SEPTIN14: variants seen among roughly 807,000 people sequenced by gnomAD.
The protein encoded by SEPTIN14 is septin-14.
SEPTIN14 carries 40 observed loss-of-function variants against 53.6 expected under a neutral mutation model. That is an observed-to-expected ratio of 0.75 (90% CI 0.58 to 0.97). The LOEUF (loss-of-function observed/expected upper bound fraction) is 0.97, where lower values mean the gene tolerates loss of function less well. Among genes scored for constraint, SEPTIN14 ranks in the 50% least tolerant of loss-of-function variants. The probability of loss-of-function intolerance (pLI) is 0.00; values close to 1 mark genes in which losing one functional copy is unlikely to be tolerated. For missense variants in SEPTIN14, 471 were observed against 508.2 expected, an observed-to-expected ratio of 0.93 and a Z score of 0.70; for synonymous variants, 138 against 166.8, an observed-to-expected ratio of 0.83 and a Z score of 1.33.
chr7:55,824,093 T>C (rs1316808429), intron 6 of SEPTIN14, among the ~76,000 whole-genome samples: 1 of 152,136 alleles, frequency 6.6e-6, no homozygotes, highest in Non-Finnish European at 1.5e-5. Flanking sequence ...AATGACTTCA[T>C]CGATATAACA....
chr7:55,821,004 T>C (rs1464460042), intron 6 of SEPTIN14, among the ~76,000 whole-genome samples: 4 of 152,176 alleles, frequency 2.6e-5, no homozygotes, highest in Non-Finnish European at 5.9e-5. Flanking sequence ...AGGTATTTAC[T>C]AGCCTAAAAT....
intron 2 of SEPTIN14, among the ~76,000 whole-genome samples, chr7:55,860,850 C>A (rs983811202): frequency 2.8e-4 from 43 of 152,154 alleles, no homozygotes; most frequent in African/African-American, 9.7e-4. Context: ...AAGCCCCCAC[C>A]TGACACCAAA....
At chr7:55,804,771 T>C (rs968267061) in intron 9 of SEPTIN14, among the ~76,000 whole-genome samples, 1 of 152,190 alleles carries the variant, frequency 6.6e-6, no homozygotes, top group Non-Finnish European at 1.5e-5. Flanking sequence ...TTGTGGCAAA[T>C]AATTAAAACG....
intron 2 of SEPTIN14, among the ~76,000 whole-genome samples, chr7:55,851,970 G>A (rs35216662): frequency 0.055 from 8,294 of 151,864 alleles, 432 homozygotes; most frequent in East Asian, 0.24. Flanking sequence ...GTGAAACCCC[G>A]TCTCTACTAA....
At chr7:55,815,728 A>G (rs1730919896) in intron 7 of SEPTIN14, among the ~76,000 whole-genome samples, 2 of 152,222 alleles carry the variant, frequency 1.3e-5, no homozygotes, top group African/African-American at 4.8e-5. Context: ...GAGAAAAAGG[A>G]ATCCTTGTAC....
intron 6 of SEPTIN14, among the ~76,000 whole-genome samples, chr7:55,829,945 G>A (rs1265794728): frequency 4.0e-5 from 6 of 151,434 alleles, no homozygotes; most frequent in Non-Finnish European, 8.8e-5. Context: ...TTGGGAGGCC[G>A]AGGCGGGCGG....
intron 7 of SEPTIN14, 148 bp downstream of exon 7, chr7:55,818,979 G>C: frequency 1.6e-6 from 1 of 606,736 alleles, no homozygotes; most frequent in South Asian, 2.0e-5. Context: ...AAATAAAACA[G>C]AGTTTGTGTT....
At chr7:55,817,193 A>G (rs1299310997) in intron 7 of SEPTIN14, among the ~76,000 whole-genome samples, 1 of 152,182 alleles carries the variant, frequency 6.6e-6, no homozygotes, top group South Asian at 2.1e-4. Flanking sequence ...AGGAAATTCT[A>G]TCATTTGCAG....
At chr7:55,828,409 A>G (rs1789027684) in intron 6 of SEPTIN14, among the ~76,000 whole-genome samples, 2 of 149,222 alleles carry the variant, frequency 1.3e-5, no homozygotes, top group South Asian at 4.2e-4. Flanking sequence ...GGTTCACACC[A>G]TTCTCCTGCC....
intron 6 of SEPTIN14, among the ~76,000 whole-genome samples, chr7:55,828,650 A>C (rs115631291): frequency 0.014 from 2,206 of 152,246 alleles, 63 homozygotes; most frequent in African/African-American, 0.049. Context: ...AGACAGACAG[A>C]AAATAGGATC....
At chr7:55,846,065 G>GTATATATATATATATA (rs56306800) in intron 3 of SEPTIN14, among the ~76,000 whole-genome samples, 5,256 of 39,220 alleles carry the variant, frequency 0.13, 1,245 homozygotes, top group Non-Finnish European at 0.19. Context: ...AAAAAAAAAA[G>GTATATATATATATATA]TATATATATA....
intron 9 of SEPTIN14, among the ~76,000 whole-genome samples, chr7:55,801,443 A>C (rs1191455046): frequency 6.6e-6 from 1 of 152,134 alleles, no homozygotes. Flanking sequence ...CTAAAAAAGA[A>C]ATTGGATATC....
intron 6 of SEPTIN14, among the ~76,000 whole-genome samples, chr7:55,827,649 G>A (rs1789014301): frequency 6.6e-6 from 1 of 152,204 alleles, no homozygotes; most frequent in African/African-American, 2.4e-5. Flanking sequence ...GCTCTGCCCA[G>A]CTGTGTCTTC....
chr7:55,853,201 T>C (rs1371040825), intron 2 of SEPTIN14, among the ~76,000 whole-genome samples: 1 of 150,476 alleles, frequency 6.6e-6, no homozygotes, highest in African/African-American at 2.5e-5. Flanking sequence ...AGAAAGAAAT[T>C]AGTACATTGA....
At position 55,834,546 on chromosome 7, in the gene SEPTIN14, G is replaced by A. The variant is rs190406908; in HGVS notation, c.599C>T (p.Ser200Phe). ...IPLIAKADTI[S>F]KNDLQTFKNK... Reference sequence around the variant, plus strand: ...CTTAAACGTCTGTAAATCATTTTTAGAAATAGTGTCTGCTTTGGCAATCAG... The same window carrying A: ...CTTAAACGTCTGTAAATCATTTTTAAAAATAGTGTCTGCTTTGGCAATCAG... Residue 200 changes from serine to phenylalanine, a missense_variant, in exon 6 of 10, where the codon TCT becomes TTT. Transcript: ENST00000388975. The A allele has an allele frequency of 3.3e-3, 5,252 of 1,610,892 alleles. 12 individuals carry two copies. The highest frequency in any genetic ancestry group is 4.1e-3 in the Non-Finnish European group (4,812 of 1,177,714).
chr7:55,814,256 A>T (rs1301297205), intron 7 of SEPTIN14, among the ~76,000 whole-genome samples: 3 of 152,194 alleles, frequency 2.0e-5, no homozygotes, highest in Non-Finnish European at 4.4e-5. Flanking sequence ...CAGACTGCAA[A>T]GATTACAATA....
intron 6 of SEPTIN14, among the ~76,000 whole-genome samples, chr7:55,827,706 C>T (rs958403032): frequency 5.9e-5 from 9 of 152,202 alleles, no homozygotes; most frequent in Non-Finnish European, 1.3e-4. Context: ...TTACATAGAC[C>T]AGCCTATCAC....
At chr7:55,825,523 CTCA>C (rs1562711819) in intron 6 of SEPTIN14, among the ~76,000 whole-genome samples, 1 of 152,052 alleles carries the variant, frequency 6.6e-6, no homozygotes, top group African/African-American at 2.4e-5. Flanking sequence ...CCAATATTGC[CTCA>C]TCAAGTGTAA....
chr7:55,855,971 T>C (rs1034236617), intron 2 of SEPTIN14, among the ~76,000 whole-genome samples: 1 of 152,138 alleles, frequency 6.6e-6, no homozygotes, highest in Non-Finnish European at 1.5e-5. Context: ...TTTATTAAGG[T>C]TTGATTTAAT....
Sources: gnomAD v4.1 joint callset for allele counts (sites outside exome capture counted in the v4.1 genomes callset) on GRCh38, gnomAD v4.1.1 for gene constraint, MANE v1.5 for transcripts, NCBI Gene and HGNC (gene_info 2026-07-23, HGNC 2026-07-21) for gene names.